The following FSD1L variants were observed in gnomAD, a reference collection of about 807,000 sequenced individuals.
FSD1L encodes fibronectin type III and SPRY domain containing 1 like.
In FSD1L, 45 loss-of-function variants were observed where a neutral mutation model predicts 71.6. That is an observed-to-expected ratio of 0.63 (90% CI 0.49 to 0.81). The LOEUF is 0.81. FSD1L is among the 30% of genes least tolerant of loss of function. FSD1L has a pLI of 0.00. For missense variants in FSD1L, 561 were observed against 618.1 expected (o/e 0.91, Z 0.98); for synonymous variants, 197 against 207.2 (o/e 0.95, Z 0.42).
At chr9:105,457,875 C>T (rs1208162338) in intron 1 of FSD1L, among the ~76,000 whole-genome samples, 2 of 152,228 alleles carry the variant, frequency 1.3e-5, no homozygotes, top group Non-Finnish European at 2.9e-5. Flanking sequence ...TCACTGGCTC[C>T]ATGCGAGGCT....
At chr9:105,496,494 T>A (rs528293561) in intron 7 of FSD1L, among the ~76,000 whole-genome samples, 20 of 152,342 alleles carry the variant, frequency 1.3e-4, no homozygotes, top group Admixed American at 7.2e-4. Context: ...AGAACTGACA[T>A]CTTAAGAACA....
chr9:105,521,805 C>G (rs1411254422), intron 10 of FSD1L: 1 of 1,612,460 alleles, frequency 6.2e-7, no homozygotes, highest in African/African-American at 1.3e-5. Context: ...AGCCACAGAA[C>G]AAAACATACG....
chr9:105,520,089 T>TGTGGCA lies in FSD1L; in HGVS notation c.1025+7179_1025+7184dup, dbSNP rs576537000. ...CCACTTTCTGCCGCTGGGAGCCGGCTGTGGCAGTGGCAGTGGCAGTGGCAG... is the reference window on the plus strand; with the variant it reads ...CCACTTTCTGCCGCTGGGAGCCGGCTGTGGCAGTGGCAGTGGCAGTGGCAGTGGCAG... On this transcript the variant is annotated intron_variant, in intron 10 of 13. Transcript: ENST00000481272. The TGTGGCA allele has an allele frequency of 5.8e-3, 9,153 of 1,583,446 alleles. 40 individuals carry two copies. The highest frequency in any genetic ancestry group is 6.9e-3 in the Non-Finnish European group (8,010 of 1,165,084).
At chr9:105,499,925 T>G (rs903036954) in intron 7 of FSD1L, among the ~76,000 whole-genome samples, 15 of 152,202 alleles carry the variant, frequency 9.9e-5, no homozygotes, top group African/African-American at 3.6e-4. Flanking sequence ...TATTGAGAGA[T>G]CTTCAAACTC....
In FSD1L at chr9:105,506,419, G is replaced by C. The variant is rs754067464; in HGVS notation, c.607G>C (p.Asp203His). The C allele has an allele frequency of 6.5e-7, 1 of 1,550,174 alleles. No homozygotes were observed. ...TGCAGTCCCCAAAGCTCCAGAGATAGATCCAGTAGAGTGTTTGGTGGCAGA... is the reference window on the plus strand; with the variant it reads ...TGCAGTCCCCAAAGCTCCAGAGATACATCCAGTAGAGTGTTTGGTGGCAGA... ...FLPVPKAPEIDPVECLVADNS... is the reference protein window; with the variant it reads ...FLPVPKAPEIHPVECLVADNS... Residue 203 changes from aspartate (D) to histidine (H), a missense_variant, in exon 8 of 14, where the codon GAT (aspartate) becomes CAT (histidine). Transcript: ENST00000481272.
chr9:105,460,662 A>G (rs756527933), intron 1 of FSD1L, among the ~76,000 whole-genome samples: 1 of 151,496 alleles, frequency 6.6e-6, no homozygotes. Flanking sequence ...CGATAGTATC[A>G]TAGAAAATGG....
chr9:105,541,893 C>A (rs573387832), intron 13 of FSD1L, among the ~76,000 whole-genome samples: 1 of 152,180 alleles, frequency 6.6e-6, no homozygotes, highest in African/African-American at 2.4e-5. Flanking sequence ...TGGTATGTAG[C>A]CTTTCGATTC....
chr9:105,483,850 T>C (rs1479003174), intron 6 of FSD1L, among the ~76,000 whole-genome samples: 3 of 152,144 alleles, frequency 2.0e-5, no homozygotes, highest in Admixed American at 6.5e-5. Flanking sequence ...TCTTTTCTTA[T>C]CCATGGCCTA....
At chr9:105,469,291 A>T (rs1254243093) in intron 4 of FSD1L, among the ~76,000 whole-genome samples, 1 of 152,218 alleles carries the variant, frequency 6.6e-6, no homozygotes, top group Non-Finnish European at 1.5e-5. Context: ...ACTTCAAAGT[A>T]GGATTGCTGA....
chr9:105,485,870 C>T (rs185641007), intron 7 of FSD1L, among the ~76,000 whole-genome samples: 3,011 of 152,116 alleles, frequency 0.02, 38 homozygotes, highest in Non-Finnish European at 0.033. Flanking sequence ...GTTTCGATCT[C>T]CTGACCTCGT....
At chr9:105,491,712 T>C (rs1330578605) in intron 7 of FSD1L, among the ~76,000 whole-genome samples, 76 of 152,042 alleles carry the variant, frequency 5.0e-4, no homozygotes, top group Non-Finnish European at 8.5e-4. Context: ...GCATGAAGGG[T>C]TGTTGAATTT....
At chr9:105,480,037 G>A (rs1311061646) in intron 6 of FSD1L, among the ~76,000 whole-genome samples, 2 of 152,168 alleles carry the variant, frequency 1.3e-5, no homozygotes, top group Non-Finnish European at 1.5e-5. Flanking sequence ...GGCAACATTT[G>A]GATTGCATTA....
chr9:105,498,339 T>C (rs1833553249), intron 7 of FSD1L, among the ~76,000 whole-genome samples: 1 of 152,000 alleles, frequency 6.6e-6, no homozygotes, highest in Non-Finnish European at 1.5e-5. Flanking sequence ...TTTGGCAATT[T>C]TGTCATTGTG....
intron 4 of FSD1L, 48 bp from the exon 5 acceptor site, chr9:105,471,856 A>G: frequency 1.4e-6 from 1 of 710,778 alleles, no homozygotes; most frequent in East Asian, 3.4e-5. Flanking sequence ...TCTAATGGCA[A>G]TAGGAAACTT....
intron 7 of FSD1L, among the ~76,000 whole-genome samples, chr9:105,503,821 C>T (rs1047924459): frequency 2.0e-5 from 3 of 152,214 alleles, no homozygotes; most frequent in African/African-American, 7.2e-5. Flanking sequence ...CTAAATTTGA[C>T]ATACCACTCT....
Position 105,549,793 on chromosome 9 carries a change from T to C in FSD1L, c.*3310T>C, listed in dbSNP as rs938181998. On this transcript the variant is annotated 3_prime_UTR_variant, in exon 14 of 14. Coordinates refer to ENST00000481272, the MANE Select transcript of FSD1L (RefSeq NM_001145313.3). ...CTAAGATATGCTATTTCATAACTTATGTAGAATGATTTTTATCTATATACT... is the reference window on the plus strand; with the variant it reads ...CTAAGATATGCTATTTCATAACTTACGTAGAATGATTTTTATCTATATACT... 6.6e-6 allele frequency: 1 copy of C among 152,034 alleles called. No homozygotes were observed. The highest frequency in any genetic ancestry group is 1.5e-5 in the Non-Finnish European group (1 of 67,902). 9.4% of individuals were successfully genotyped at this position (152,034 alleles called of 1,614,324 possible). A position where few individuals can be genotyped will look rare whatever the true frequency, so the allele number is the denominator to read the frequency against.
In FSD1L at chr9:105,526,430, G is replaced by C. The variant is rs1478621615; in HGVS notation, c.1026-8063G>C. 6.2e-6 allele frequency: 10 copies of C among 1,613,032 alleles called. No individual in the cohort carries two copies. The African/African-American group carries it at 1.1e-4, about 17-fold the overall frequency. On this transcript the variant is annotated intron_variant, in intron 10 of 13. Coordinates refer to ENST00000481272, the MANE Select transcript of FSD1L (RefSeq NM_001145313.3). ...CAGTGAAACTCCCACAGCAGCGCAGGTAGATGGGGCTGACCTGGCCTCTCC... is the reference window on the plus strand; with the variant it reads ...CAGTGAAACTCCCACAGCAGCGCAGCTAGATGGGGCTGACCTGGCCTCTCC...
chr9:105,511,824 A>G (rs566757792), intron 9 of FSD1L, among the ~76,000 whole-genome samples: 1 of 152,266 alleles, frequency 6.6e-6, no homozygotes, highest in South Asian at 2.1e-4. Flanking sequence ...CATAGTTCAC[A>G]GACACACTGA....
chr9:105,465,123 T>C (rs1159155025), intron 3 of FSD1L, among the ~76,000 whole-genome samples: 1 of 152,184 alleles, frequency 6.6e-6, no homozygotes, highest in East Asian at 1.9e-4. Context: ...TAATCTATAT[T>C]GTAAGTAGTG....
Sources: gnomAD v4.1 joint callset for allele counts (sites outside exome capture counted in the v4.1 genomes callset) on GRCh38, gnomAD v4.1.1 for gene constraint, MANE v1.5 for transcripts, NCBI Gene and HGNC (gene_info 2026-07-23, HGNC 2026-07-21) for gene names.